The following SHC3 variants were observed in gnomAD, a reference collection of about 807,000 sequenced individuals.
The protein encoded by SHC3 is SHC-transforming protein 3.
Under a neutral mutation model 60.4 loss-of-function variants are expected in SHC3, and 15 were observed. The observed-to-expected ratio is 0.25, with a 90% CI of 0.17 to 0.38. SHC3 has a LOEUF of 0.38. Among genes scored for constraint, SHC3 ranks in the 10% least tolerant of loss-of-function variants. The pLI, the probability that SHC3 is intolerant of heterozygous loss-of-function variation, is 1.00. For synonymous variants in SHC3, 294 were observed against 325.9 expected, an observed-to-expected ratio of 0.90 and a Z score of 1.05; for missense variants, 677 against 786.1, an observed-to-expected ratio of 0.86 and a Z score of 1.66.
chr9:89,164,701 T>C (rs547303461), intron 1 of SHC3, among the ~76,000 whole-genome samples: 13 of 152,322 alleles, frequency 8.5e-5, no homozygotes, highest in Non-Finnish European at 1.9e-4. Flanking sequence ...ATATTTATCT[T>C]ACTAGATGCT....
chr9:89,110,626 T>A (rs1825933737), intron 2 of SHC3, among the ~76,000 whole-genome samples: 1 of 152,134 alleles, frequency 6.6e-6, no homozygotes, highest in African/African-American at 2.4e-5. Flanking sequence ...TTAGCTAAAG[T>A]AAGAAACATG....
chr9:89,007,024 C>T lies in SHC3; in HGVS notation c.*6423G>A, dbSNP rs1295837001. 2 of 152,204 alleles carry T rather than the reference C, an allele frequency of 1.3e-5. No individual in the cohort carries two copies. The highest frequency in any genetic ancestry group is 2.9e-5 in the Non-Finnish European group (2 of 68,038). The allele number at this position is 152,204 out of a possible 1,614,324, so 9.4% of individuals were successfully genotyped here. ...TCAAGGTGAGACAACAAAATAGACA[C>T]CTAAAATTGTATGAGATTTTATTCC... On this transcript the variant is annotated 3_prime_UTR_variant, in exon 12 of 12. Transcript: ENST00000375835.
At chr9:89,164,249 A>G (rs1826752597) in intron 1 of SHC3, among the ~76,000 whole-genome samples, 1 of 152,042 alleles carries the variant, frequency 6.6e-6, no homozygotes, top group Non-Finnish European at 1.5e-5. Flanking sequence ...CTTCATATGG[A>G]TTGACTTGAA....
At chr9:89,096,458 A>G (rs563711259) in intron 2 of SHC3, among the ~76,000 whole-genome samples, 1 of 152,212 alleles carries the variant, frequency 6.6e-6, no homozygotes, top group Non-Finnish European at 1.5e-5. Flanking sequence ...TGCATACAAC[A>G]TACAATTAAA....
chr9:89,064,860 A>AG (rs5899065), intron 6 of SHC3, among the ~76,000 whole-genome samples: 9,543 of 152,222 alleles, frequency 0.063, 432 homozygotes, highest in Admixed American at 0.11. Context: ...TACCTGGGGT[A>AG]GGGGGGTAGT....
intron 1 of SHC3, among the ~76,000 whole-genome samples, chr9:89,146,785 A>G (rs1826475799): frequency 6.6e-6 from 1 of 152,230 alleles, no homozygotes; most frequent in East Asian, 1.9e-4. Context: ...AAAGTGAAAT[A>G]TACACTATCA....
intron 2 of SHC3, among the ~76,000 whole-genome samples, chr9:89,098,652 T>C (rs1825739522): frequency 6.6e-6 from 1 of 152,026 alleles, no homozygotes; most frequent in African/African-American, 2.4e-5. Context: ...CTACTAAAAA[T>C]ACAAAAAAAT....
intron 1 of SHC3, among the ~76,000 whole-genome samples, chr9:89,156,036 A>G (rs1826617874): frequency 6.6e-6 from 1 of 152,154 alleles, no homozygotes; most frequent in Non-Finnish European, 1.5e-5. Context: ...TTGTGCCCTT[A>G]TAGAGTGCCC....
intron 2 of SHC3, among the ~76,000 whole-genome samples, chr9:89,099,229 CT>C (rs1285560515): frequency 6.6e-6 from 1 of 152,060 alleles, no homozygotes; most frequent in African/African-American, 2.4e-5. Flanking sequence ...ATCACTTAGG[CT>C]TTTTCTTTAC....
intron 1 of SHC3, among the ~76,000 whole-genome samples, chr9:89,131,956 A>T (rs1826252733): frequency 6.6e-6 from 1 of 152,228 alleles, no homozygotes; most frequent in Non-Finnish European, 1.5e-5. Context: ...ATAGGAAAAG[A>T]GGAAGTCAAA....
chr9:89,149,094 G>A (rs569927700), intron 1 of SHC3, among the ~76,000 whole-genome samples: 1 of 152,168 alleles, frequency 6.6e-6, no homozygotes, highest in Non-Finnish European at 1.5e-5. Flanking sequence ...ATGGATTTTG[G>A]ACAAGTGGCA....
At chr9:89,112,995 AC>A (rs1399067910) in intron 1 of SHC3, among the ~76,000 whole-genome samples, 1 of 152,138 alleles carries the variant, frequency 6.6e-6, no homozygotes, top group Non-Finnish European at 1.5e-5. Context: ...CACCACCCAG[AC>A]CTCAACATTG....
chr9:89,028,118 C>T (rs1057211445), intron 11 of SHC3, among the ~76,000 whole-genome samples: 1 of 152,226 alleles, frequency 6.6e-6, no homozygotes, highest in Admixed American at 6.5e-5. Flanking sequence ...CAAGCCCCCT[C>T]CCCTTCTCAA....
chr9:89,139,549 A>G (rs1826363591), intron 1 of SHC3, among the ~76,000 whole-genome samples: 1 of 152,194 alleles, frequency 6.6e-6, no homozygotes, highest in Admixed American at 6.5e-5. Context: ...TCAAATACCT[A>G]TGAGTTGTGT....
intron 5 of SHC3, among the ~76,000 whole-genome samples, chr9:89,069,393 T>C: frequency 6.6e-6 from 1 of 151,636 alleles, no homozygotes; most frequent in East Asian, 1.9e-4. Context: ...TAAGAAATTA[T>C]AAGGATTAGA....
chr9:89,087,674 C>G (rs1825554356), intron 2 of SHC3, among the ~76,000 whole-genome samples: 1 of 152,162 alleles, frequency 6.6e-6, no homozygotes, highest in Admixed American at 6.5e-5. Context: ...ATGATATAAA[C>G]CAAAAATAAA....
chr9:89,016,224 C>T (rs1826091174), intron 11 of SHC3, among the ~76,000 whole-genome samples: 1 of 152,172 alleles, frequency 6.6e-6, no homozygotes. Context: ...GGGGACCCCA[C>T]AACAGATCCC....
chr9:89,077,387 G>A (rs775836862), intron 3 of SHC3, among the ~76,000 whole-genome samples: 3 of 151,992 alleles, frequency 2.0e-5, no homozygotes, highest in Admixed American at 6.6e-5. Flanking sequence ...AATTGAAATC[G>A]GCCACAGCAG....
chr9:89,078,594 C>G (rs1488789643), intron 2 of SHC3, among the ~76,000 whole-genome samples: 1 of 152,060 alleles, frequency 6.6e-6, no homozygotes, highest in Non-Finnish European at 1.5e-5. Flanking sequence ...AAGAGTCCAA[C>G]ACGTGGTTCT....
Sources: gnomAD v4.1 joint callset for allele counts (sites outside exome capture counted in the v4.1 genomes callset) on GRCh38, gnomAD v4.1.1 for gene constraint, MANE v1.5 for transcripts, NCBI Gene and HGNC (gene_info 2026-07-23, HGNC 2026-07-21) for gene names.